Variants in SIAH3 observed in about 807,000 individuals in gnomAD.
SIAH3 encodes seven in absentia homolog 3.
SIAH3 carries 9 observed loss-of-function variants against 12.6 expected under a neutral mutation model. The observed-to-expected ratio is 0.72, with a 90% confidence interval of 0.43 to 1.25. SIAH3 has a LOEUF of 1.25. Ranked by LOEUF, SIAH3 falls within the 50% of genes most tolerant of loss-of-function variation. SIAH3 has a pLI of 0.00. For missense variants in SIAH3, 390 were observed against 365.4 expected (o/e 1.07, Z -0.55); for synonymous variants, 154 against 151.1 (o/e 1.02, Z -0.14).
At chr13:45,789,102 G>A (rs1296800776) in intron 1 of SIAH3, among the ~76,000 whole-genome samples, 1 of 152,178 alleles carries the variant, frequency 6.6e-6, no homozygotes, top group Admixed American at 6.6e-5. Context: ...ACAAAACTCA[G>A]AAGGACTCTA....
chr13:45,789,364 CTATCT>C (rs1950538205), intron 1 of SIAH3, among the ~76,000 whole-genome samples: 1 of 9,338 alleles, frequency 1.1e-4, no homozygotes, highest in Admixed American at 1.4e-3. Context: ...TATCATCTAT[CTATCT>C]ATCTATCTAT....
chr13:45,814,058 G>A (rs1050437164), intron 1 of SIAH3, among the ~76,000 whole-genome samples: 1 of 151,988 alleles, frequency 6.6e-6, no homozygotes, highest in Non-Finnish European at 1.5e-5. Context: ...CTAACACGGT[G>A]AAACCCCGTT....
intron 1 of SIAH3, among the ~76,000 whole-genome samples, chr13:45,838,936 C>T (rs1227806521): frequency 6.6e-6 from 1 of 152,070 alleles, no homozygotes; most frequent in East Asian, 1.9e-4. Context: ...TCACTCGGTT[C>T]TTCTCACAGC....
chr13:45,797,875 C>A (rs74541618), intron 1 of SIAH3, among the ~76,000 whole-genome samples: 3,153 of 152,320 alleles, frequency 0.021, 102 homozygotes, highest in East Asian at 0.12. Context: ...CTTTCTAACA[C>A]TCTGATTCCT....
chr13:45,793,370 A>G (rs987460039), intron 1 of SIAH3, among the ~76,000 whole-genome samples: 5 of 152,214 alleles, frequency 3.3e-5, no homozygotes, highest in African/African-American at 1.2e-4. Flanking sequence ...GGAACTCCAC[A>G]GTACTCTCTG....
At chr13:45,790,302 G>C (rs188931148) in intron 1 of SIAH3, among the ~76,000 whole-genome samples, 1 of 152,254 alleles carries the variant, frequency 6.6e-6, no homozygotes, top group East Asian at 1.9e-4. Context: ...ACAACTTTGT[G>C]AACAAAACTG....
intron 1 of SIAH3, among the ~76,000 whole-genome samples, chr13:45,796,878 T>C (rs1337777204): frequency 6.6e-6 from 1 of 152,194 alleles, no homozygotes; most frequent in Non-Finnish European, 1.5e-5. Flanking sequence ...GCAGGTGTTT[T>C]ATTGACTCTA....
chr13:45,841,452 G>T (rs1419861315), intron 1 of SIAH3, among the ~76,000 whole-genome samples: 1 of 152,142 alleles, frequency 6.6e-6, no homozygotes, highest in East Asian at 1.9e-4. Context: ...CCTTTCTCAG[G>T]CTACTTGCTC....
chr13:45,827,087 C>A (rs1398046376), intron 1 of SIAH3, among the ~76,000 whole-genome samples: 1 of 152,190 alleles, frequency 6.6e-6, no homozygotes, highest in Non-Finnish European at 1.5e-5. Flanking sequence ...CTGAGCCAAT[C>A]ACTATTCTTT....
intron 1 of SIAH3, among the ~76,000 whole-genome samples, chr13:45,830,101 G>T (rs1435003945): frequency 6.6e-6 from 1 of 152,190 alleles, no homozygotes; most frequent in African/African-American, 2.4e-5. Flanking sequence ...ACATGAGAAA[G>T]CCAGGTTTGA....
chr13:45,818,543 C>T (rs1460129099), intron 1 of SIAH3, among the ~76,000 whole-genome samples: 5 of 152,204 alleles, frequency 3.3e-5, no homozygotes, highest in South Asian at 2.1e-4. Flanking sequence ...GCGCTCCCTC[C>T]GGAGGCTCTA....
chr13:45,784,396 C>CTTT (rs1555256292), intron 1 of SIAH3, among the ~76,000 whole-genome samples: 9 of 102,030 alleles, frequency 8.8e-5, no homozygotes, highest in African/African-American at 1.6e-4. Context: ...ACAAAGACAG[C>CTTT]TGTTTTTTTT....
At chr13:45,824,038 A>G (rs1022845792) in intron 1 of SIAH3, among the ~76,000 whole-genome samples, 4 of 152,258 alleles carry the variant, frequency 2.6e-5, no homozygotes, top group Non-Finnish European at 5.9e-5. Context: ...AACAGTGAAC[A>G]TAGTACCAAA....
intron 1 of SIAH3, among the ~76,000 whole-genome samples, chr13:45,806,417 C>T (rs1199840345): frequency 6.6e-6 from 1 of 152,140 alleles, no homozygotes; most frequent in Non-Finnish European, 1.5e-5. Flanking sequence ...TCCTTTGCAG[C>T]AACATGGATG....
rs1160452771 is a variant in SIAH3, at chr13:45,843,786, A to T, written c.135+7709T>A. ...GAAGGGAAGGCGGAGAAAGACAGCCAGGTGGGGAGTGTGGGGAGTCAAAGC... is the reference window on the plus strand; with the variant it reads ...GAAGGGAAGGCGGAGAAAGACAGCCTGGTGGGGAGTGTGGGGAGTCAAAGC... On this transcript the variant is annotated intron_variant, in intron 1 of 1. Coordinates refer to ENST00000400405, the MANE Select transcript of SIAH3 (RefSeq NM_198849.3). Among the ~76,000 whole-genome samples the T allele has an allele frequency of 2.0e-5, 3 of 152,222 alleles. No homozygotes were observed. The East Asian group carries it at 5.8e-4, about 29-fold the overall frequency.
At chr13:45,843,034 C>CTCTCTG in intron 1 of SIAH3, among the ~76,000 whole-genome samples, 1 of 139,288 alleles carries the variant, frequency 7.2e-6, no homozygotes, top group Admixed American at 7.6e-5. Flanking sequence ...CTCTCTCTCT[C>CTCTCTG]TGTGTGTGTG....
intron 1 of SIAH3, among the ~76,000 whole-genome samples, chr13:45,826,380 A>AGGTGG (rs1566094824): frequency 9.5e-6 from 1 of 105,136 alleles, no homozygotes; most frequent in Non-Finnish European, 1.9e-5. Flanking sequence ...TGGATGAATG[A>AGGTGG]ATGGATGGAT....
intron 1 of SIAH3, among the ~76,000 whole-genome samples, chr13:45,784,883 T>C (rs1291946926): frequency 6.6e-6 from 1 of 152,254 alleles, no homozygotes; most frequent in African/African-American, 2.4e-5. Context: ...GAGCATCTGC[T>C]GTGGCCAGGG....
At chr13:45,816,679 T>C (rs377644716) in intron 1 of SIAH3, among the ~76,000 whole-genome samples, 16 of 152,286 alleles carry the variant, frequency 1.1e-4, no homozygotes, top group South Asian at 4.1e-4. Flanking sequence ...TGACATCACC[T>C]ACATTCAGCA....
Sources: gnomAD v4.1 joint callset for allele counts (sites outside exome capture counted in the v4.1 genomes callset) on GRCh38, gnomAD v4.1.1 for gene constraint, MANE v1.5 for transcripts, NCBI Gene and HGNC (gene_info 2026-07-23, HGNC 2026-07-21) for gene names.